ZFP1: variants seen among roughly 807,000 people sequenced by gnomAD.
ZFP1 encodes the protein zinc finger protein 1 homolog.
Under a neutral mutation model 38.5 loss-of-function variants are expected in ZFP1, and 32 were observed. The ratio of observed to expected loss-of-function variants is 0.83; its 90% CI spans 0.63 to 1.12. The LOEUF is 1.12. Among genes scored for constraint, ZFP1 ranks in the 50% most tolerant of loss-of-function variants. The pLI, the probability that ZFP1 is intolerant of heterozygous loss-of-function variation, is 0.00. For synonymous variants in ZFP1, 245 were observed against 168.8 expected (o/e 1.45, Z -3.50); for missense variants, 616 against 480.8 (o/e 1.28, Z -2.63).
At chr16:75,167,080 C>T (rs573130092) in intron 3 of ZFP1, among the ~76,000 whole-genome samples, 184 bp downstream of exon 3, 10 of 152,320 alleles carry the variant, frequency 6.6e-5, no homozygotes, top group Admixed American at 5.9e-4. Context: ...TTCTGAAGTC[C>T]AGGCAATTAG....
At position 75,160,788 on chromosome 16, in the gene ZFP1, G is replaced by A. The variant is rs1391948543; in HGVS notation, c.16-5982G>A. On this transcript the variant is annotated intron_variant, in intron 2 of 3. Transcript: ENST00000570010. ...CACTTGAAATGCTGCATCCTTCAGA[G>A]GGGAGGAGTGCTGTGTCCTGGCATG... Among the ~76,000 whole-genome samples, 4 of 152,238 alleles carry A rather than the reference G, an allele frequency of 2.6e-5. No homozygotes were observed. In the East Asian group the frequency reaches 7.7e-4, roughly 29 times the overall value.
At position 75,172,190 on chromosome 16, in the gene ZFP1, T is replaced by TA. The variant is rs1491549566; in HGVS notation, c.*1856_*1857insA. Reference sequence around the variant, plus strand: ...AGCAAGAGGGGAGAGAGAGAGTGTATGTGTGTGTGTAGCAGTTTTTATAAA... The same window carrying TA: ...AGCAAGAGGGGAGAGAGAGAGTGTATAGTGTGTGTGTAGCAGTTTTTATAAA... On this transcript the variant is annotated 3_prime_UTR_variant, in exon 4 of 4. Transcript: ENST00000570010. 2 of 152,032 alleles carry TA rather than the reference T, an allele frequency of 1.3e-5. No individual in the cohort carries two copies. Among genetic ancestry groups the TA allele is most frequent in the African/African-American group, 4.8e-5 (2 of 41,386 alleles). The allele number at this position is 152,032 out of a possible 1,614,324, so 9.4% of individuals were successfully genotyped here. A position where few individuals can be genotyped will look rare whatever the true frequency, so the allele number is the denominator to read the frequency against.
At chr16:75,142,028 T>G in the ZFP1 span, among the ~76,000 whole-genome samples, 2 of 141,310 alleles carry the variant, frequency 1.4e-5, no homozygotes, top group African/African-American at 5.3e-5. Flanking sequence ...CACTCCAGCC[T>G]GAACAACAGA....
Sources: allele counts gnomAD v4.1 joint callset (sites outside exome capture counted in the v4.1 genomes callset), GRCh38; gene constraint gnomAD v4.1.1; transcripts MANE v1.5; gene names NCBI Gene and HGNC (gene_info 2026-07-23, HGNC 2026-07-21).